Variants in ZSWIM6 observed in about 807,000 individuals in gnomAD.
ZSWIM6 encodes zinc finger SWIM domain-containing protein 6.
ZSWIM6 carries 9 observed loss-of-function variants against 113.2 expected under a neutral mutation model. That is an observed-to-expected ratio of 0.08 (90% confidence interval 0.05 to 0.14). ZSWIM6 has a LOEUF of 0.14. Ranked by LOEUF, ZSWIM6 falls within the 10% of genes least tolerant of loss-of-function variation. The pLI is 1.00. For synonymous variants in ZSWIM6, 611 were observed against 606.5 expected (o/e 1.01, Z -0.11); for missense variants, 1,162 against 1,552.2 (o/e 0.75, Z 4.22).
At chr5:61,494,519 C>T in intron 4 of ZSWIM6, 109 bp downstream of exon 4, 1 of 1,375,478 alleles carries the variant, frequency 7.3e-7, no homozygotes, top group Non-Finnish European at 9.9e-7. Context: ...GCTGCTCATG[C>T]ATGGAACGTG....
intron 1 of ZSWIM6, among the ~76,000 whole-genome samples, chr5:61,426,488 C>T (rs1444871939): frequency 1.3e-5 from 2 of 152,264 alleles, no homozygotes; most frequent in Non-Finnish European, 2.9e-5. Context: ...TATTTTCTTA[C>T]AAAACTACAT....
intron 1 of ZSWIM6, among the ~76,000 whole-genome samples, chr5:61,350,271 C>T (rs1744753006): frequency 6.6e-6 from 1 of 152,098 alleles, no homozygotes; most frequent in East Asian, 1.9e-4. Context: ...CTATGGTTAC[C>T]CTAGGCATAC....
chr5:61,482,344 G>A (rs1747890982), intron 2 of ZSWIM6, among the ~76,000 whole-genome samples: 1 of 149,330 alleles, frequency 6.7e-6, no homozygotes. Context: ...ACCGGGGCCT[G>A]TTGGGGAGCG....
At chr5:61,368,294 A>C (rs1312511541) in intron 1 of ZSWIM6, among the ~76,000 whole-genome samples, 1 of 152,218 alleles carries the variant, frequency 6.6e-6, no homozygotes, top group Non-Finnish European at 1.5e-5. Context: ...TAAACCAATA[A>C]TTCTCCACAC....
intron 9 of ZSWIM6, among the ~76,000 whole-genome samples, chr5:61,532,626 G>T (rs1168739779): frequency 6.6e-6 from 1 of 152,114 alleles, no homozygotes; most frequent in African/African-American, 2.4e-5. Flanking sequence ...CTACTTAAAA[G>T]AAAACATTTT....
At chr5:61,522,093 G>GTTTTTTTTTTTTTTTTTGT (rs137971657) in intron 5 of ZSWIM6, among the ~76,000 whole-genome samples, 1 of 139,420 alleles carries the variant, frequency 7.2e-6, no homozygotes. Flanking sequence ...TTTTTTGTTT[G>GTTTTTTTTTTTTTTTTTGT]TTTTTTTTTG....
At chr5:61,333,622 C>T (rs1009711169) in intron 1 of ZSWIM6, among the ~76,000 whole-genome samples, 19 of 151,470 alleles carry the variant, frequency 1.3e-4, no homozygotes, top group Non-Finnish European at 4.4e-5. Flanking sequence ...CTTTGCGCCT[C>T]CTCAGTCTCC....
chr5:61,535,314 A>G (rs531964022), intron 9 of ZSWIM6, among the ~76,000 whole-genome samples, 170 bp from the exon 10 acceptor site: 1 of 152,304 alleles, frequency 6.6e-6, no homozygotes, highest in South Asian at 2.1e-4. Context: ...AACGGATGCT[A>G]TACCCTGAAG....
chr5:61,448,512 T>A (rs1445979), intron 1 of ZSWIM6, among the ~76,000 whole-genome samples: 58,100 of 152,096 alleles, frequency 0.38, 11,265 homozygotes, highest in South Asian at 0.45. Context: ...TAAAATGTTT[T>A]GCAAACTTAA....
intron 1 of ZSWIM6, among the ~76,000 whole-genome samples, chr5:61,454,919 A>G (rs1372013025): frequency 1.4e-5 from 2 of 146,070 alleles, no homozygotes; most frequent in African/African-American, 2.5e-5. Flanking sequence ...CCTTTCTGGC[A>G]CCATCACATT....
At chr5:61,342,156 G>C (rs1744565118) in intron 1 of ZSWIM6, among the ~76,000 whole-genome samples, 1 of 152,264 alleles carries the variant, frequency 6.6e-6, no homozygotes, top group East Asian at 1.9e-4. Context: ...CTAGGATTCA[G>C]ATGTGAGTCA....
At chr5:61,464,588 G>A (rs1470104018) in intron 1 of ZSWIM6, among the ~76,000 whole-genome samples, 3 of 152,088 alleles carry the variant, frequency 2.0e-5, no homozygotes, top group Non-Finnish European at 4.4e-5. Flanking sequence ...CAAAATGTGA[G>A]GACTCATGTT....
intron 1 of ZSWIM6, among the ~76,000 whole-genome samples, chr5:61,395,681 ATAATTTC>A (rs1428325485): frequency 6.6e-6 from 1 of 152,236 alleles, no homozygotes; most frequent in Non-Finnish European, 1.5e-5. Flanking sequence ...ATTAATATTT[ATAATTTC>A]TAATTTATAA....
chr5:61,430,032 T>C (rs1336654668), intron 1 of ZSWIM6, among the ~76,000 whole-genome samples: 1 of 152,174 alleles, frequency 6.6e-6, no homozygotes, highest in African/African-American at 2.4e-5. Context: ...GGTTTTATGT[T>C]GTATTGTCAG....
chr5:61,437,824 A>C (rs372973604), intron 1 of ZSWIM6, among the ~76,000 whole-genome samples: 2 of 152,110 alleles, frequency 1.3e-5, no homozygotes, highest in South Asian at 2.1e-4. Context: ...ATTTATCTGA[A>C]TGTCATTAAT....
In ZSWIM6 at chr5:61,346,975, A is replaced by C. The variant is rs554164805; in HGVS notation, c.676+14027A>C. ...AAAAGTACAGATTCAAGTTTCATTC[A>C]AGGTTTTCACTGTTTTCATTAAAAT... On this transcript the variant is annotated intron_variant, in intron 1 of 13. Coordinates refer to ENST00000252744, the MANE Select transcript of ZSWIM6 (RefSeq NM_020928.2). Among the ~76,000 whole-genome samples the C allele has an allele frequency of 2.6e-5, 4 of 152,356 alleles. No individual in the cohort carries two copies. In the South Asian group the frequency reaches 8.3e-4, roughly 32 times the overall value.
At chr5:61,369,772 C>G (rs966617532) in intron 1 of ZSWIM6, among the ~76,000 whole-genome samples, 2 of 152,130 alleles carry the variant, frequency 1.3e-5, no homozygotes, top group African/African-American at 4.8e-5. Context: ...CCCTGCCATA[C>G]CTCAGAAACT....
chr5:61,472,442 T>A lies in ZSWIM6; in HGVS notation c.677-239T>A, dbSNP rs907023429. Among the ~76,000 whole-genome samples, 5 of 152,202 alleles carry A rather than the reference T, an allele frequency of 3.3e-5. No homozygotes were observed. Among genetic ancestry groups the A allele is most frequent in the Admixed American group, 2.0e-4 (3 of 15,278 alleles). On this transcript the variant is annotated intron_variant, in intron 1 of 13. Coordinates refer to ENST00000252744, the MANE Select transcript of ZSWIM6 (RefSeq NM_020928.2). This position sits in a 1 kb window ranked among gnomAD's most constrained non-coding sequence, Gnocchi z 4.1. ...TGGTGTTGTATGGCAATATATGTTT[T>A]CATATGGCTGTGTAAAATACTTCAG... is the stretch of plus-strand genomic sequence containing the variant.
At position 61,339,060 on chromosome 5, in the gene ZSWIM6, A is replaced by G. The variant is rs982493730; in HGVS notation, c.676+6112A>G. On this transcript the variant is annotated intron_variant, in intron 1 of 13. Coordinates refer to ENST00000252744, the MANE Select transcript of ZSWIM6 (RefSeq NM_020928.2). ...CTAACCCTATGAATGTTTCATATGG[A>G]AAGATATGGACCAGCATCTCTTTCT... is the stretch of plus-strand genomic sequence containing the variant. Among the ~76,000 whole-genome samples, 2 of 152,208 alleles carry G rather than the reference A, an allele frequency of 1.3e-5. 1 individual carries two copies. The highest frequency in any genetic ancestry group is 4.1e-4 in the South Asian group (2 of 4,834).
Sources: allele counts gnomAD v4.1 joint callset (sites outside exome capture counted in the v4.1 genomes callset), GRCh38; gene constraint gnomAD v4.1.1; non-coding constraint Gnocchi (gnomAD v3.1); transcripts MANE v1.5; gene names NCBI Gene and HGNC (gene_info 2026-07-23, HGNC 2026-07-21).